The following ANO1 variants were observed in gnomAD, a reference collection of about 807,000 sequenced individuals.
ANO1 encodes the protein anoctamin-1.
In ANO1, 59 loss-of-function variants were observed where a neutral mutation model predicts 124.0. The observed-to-expected ratio is 0.48, with a 90% confidence interval of 0.39 to 0.59. The LOEUF is 0.59. ANO1 is among the 20% of genes least tolerant of loss of function. ANO1 has a pLI of 0.00. For missense variants in ANO1, 1,059 were observed against 1,328.0 expected (o/e 0.80, Z 3.15); for synonymous variants, 529 against 532.0 (o/e 0.99, Z 0.08).
intron 7 of ANO1, 26 bp downstream of exon 7, chr11:70,111,788 T>A (rs777647460): frequency 6.2e-7 from 1 of 1,613,038 alleles, no homozygotes; most frequent in Admixed American, 1.7e-5. Flanking sequence ...ACACGATTTA[T>A]CTCTGCGTCA....
intron 1 of ANO1, among the ~76,000 whole-genome samples, chr11:70,010,604 G>T (rs1856584791): frequency 6.6e-6 from 1 of 152,110 alleles, no homozygotes; most frequent in African/African-American, 2.4e-5. Context: ...ACAGGAAGCT[G>T]CACAAAGACA....
rs894858514 is a variant in ANO1 at position 70,019,942 on chromosome 11, C to T, written c.58+33776C>T. Among the ~76,000 whole-genome samples, 4 of 152,348 alleles carry T rather than the reference C, an allele frequency of 2.6e-5. No homozygotes were observed. The East Asian group carries it at 5.8e-4, about 22-fold the overall frequency. On this transcript the variant is annotated intron_variant, in intron 1 of 27. Transcript: ENST00000531349. ...TGAGGCCTCGGAGTGGGAAGGGGGC[C>T]GAGGGCCCCTGGCTCTGGGTCTCTC...
intron 20 of ANO1, 59 bp downstream of exon 20, chr11:70,165,629 G>T: frequency 6.9e-7 from 1 of 1,443,388 alleles, no homozygotes; most frequent in South Asian, 1.3e-5. Flanking sequence ...GGGGTGTGTG[G>T]GTGGCTCCTG....
chr11:69,966,596 G>A, the ANO1 span, among the ~76,000 whole-genome samples: 2 of 152,190 alleles, frequency 1.3e-5, no homozygotes, highest in Non-Finnish European at 2.9e-5. Flanking sequence ...AGGAAAGAGC[G>A]ATGGAAGAGC....
At chr11:69,981,606 G>GC (rs1264843939), upstream of ANO1, among the ~76,000 whole-genome samples, 2 of 152,208 alleles carry the variant, frequency 1.3e-5, no homozygotes, top group African/African-American at 4.8e-5. Flanking sequence ...GCTGCTGGGA[G>GC]CCCCTGGTAT....
At chr11:70,145,744 C>T (rs185887987) in intron 11 of ANO1, among the ~76,000 whole-genome samples, 35 of 152,174 alleles carry the variant, frequency 2.3e-4, no homozygotes, top group African/African-American at 7.9e-4. Context: ...CAAGACCAGC[C>T]TGGCCAATAC....
At position 70,036,740 on chromosome 11, in the gene ANO1, T is replaced by C. The variant is rs184400004; in HGVS notation, c.59-41802T>C. On this transcript the variant is annotated intron_variant, in intron 1 of 27. Coordinates refer to the ANO1 transcript ENST00000531349. ...CTCCTGCCTCAGCCTCCCAAGTAGC[T>C]GGGACTATAGGCACCCGCCACCACA... Among the ~76,000 whole-genome samples, 1,379 of 152,278 alleles carry C rather than the reference T, an allele frequency of 9.1e-3. 29 individuals carry two copies. The highest frequency in any genetic ancestry group is 0.03 in the African/African-American group (1,258 of 41,544).
chr11:70,076,956 C>CTCTGAGGCCCAGGAGGT (rs2044067481), upstream of ANO1, among the ~76,000 whole-genome samples: 1 of 152,144 alleles, frequency 6.6e-6, no homozygotes, highest in Non-Finnish European at 1.5e-5. Flanking sequence ...AAGGCAGAGG[C>CTCTGAGGCCCAGGAGGT]TCTGAGGCCC....
the ANO1 span, among the ~76,000 whole-genome samples, chr11:69,966,369 C>T: frequency 6.6e-6 from 1 of 152,198 alleles, no homozygotes; most frequent in Non-Finnish European, 1.5e-5. Flanking sequence ...AATGATTAAC[C>T]CACACCTGCC....
At chr11:69,984,284 C>T (rs534311153), upstream of ANO1, among the ~76,000 whole-genome samples, 5 of 152,324 alleles carry the variant, frequency 3.3e-5, no homozygotes, top group South Asian at 1.0e-3. Flanking sequence ...GGGCACACGT[C>T]CCGGGGCTTC....
At chr11:70,084,412 C>T (rs187547638) in intron 1 of ANO1, among the ~76,000 whole-genome samples, 1 of 152,278 alleles carries the variant, frequency 6.6e-6, no homozygotes, top group Non-Finnish European at 1.5e-5. Context: ...CTCCCAGGTG[C>T]CTGGCCCCAG....
At chr11:70,032,766 A>T (rs1444649943) in intron 1 of ANO1, among the ~76,000 whole-genome samples, 1 of 152,106 alleles carries the variant, frequency 6.6e-6, no homozygotes, top group African/African-American at 2.4e-5. Flanking sequence ...TTTGTCTTCA[A>T]ATTGGGAAGA....
At chr11:70,065,582 C>G (rs1857696427) in intron 1 of ANO1, among the ~76,000 whole-genome samples, 1 of 151,502 alleles carries the variant, frequency 6.6e-6, no homozygotes, top group Non-Finnish European at 1.5e-5. Flanking sequence ...CCCCCGTCGT[C>G]CCTCTAGTTG....
chr11:70,165,591 T>G, intron 20 of ANO1, 21 bp downstream of exon 20: 1 of 1,599,346 alleles, frequency 6.3e-7, no homozygotes, highest in Non-Finnish European at 8.5e-7. Context: ...TGCAGCGGGT[T>G]AGAGCGGCAG....
At chr11:70,131,305 G>A (rs2046747535) in intron 10 of ANO1, among the ~76,000 whole-genome samples, 1 of 32,750 alleles carries the variant, frequency 3.1e-5, no homozygotes, top group Non-Finnish European at 8.6e-5. Flanking sequence ...AAAAATCAAT[G>A]TGTGTGTGTG....
intron 2 of ANO1, among the ~76,000 whole-genome samples, chr11:70,098,438 C>G (rs2045108116): frequency 6.6e-6 from 1 of 152,226 alleles, no homozygotes; most frequent in Admixed American, 6.5e-5. Context: ...CCCCATGGTT[C>G]CTGCCTGACA....
intron 1 of ANO1, among the ~76,000 whole-genome samples, chr11:70,050,667 A>G (rs1857338473): frequency 6.6e-6 from 1 of 152,158 alleles, no homozygotes; most frequent in African/African-American, 2.4e-5. Flanking sequence ...CCCTGAAGGC[A>G]CCTCACAAAT....
chr11:70,034,384 C>G (rs567300288), intron 1 of ANO1, among the ~76,000 whole-genome samples: 1 of 152,196 alleles, frequency 6.6e-6, no homozygotes, highest in South Asian at 2.1e-4. Context: ...CCCTGGGCAC[C>G]TTGAGGCATC....
intron 1 of ANO1, among the ~76,000 whole-genome samples, chr11:70,021,789 T>C (rs1856814975): frequency 6.6e-6 from 1 of 152,154 alleles, no homozygotes; most frequent in African/African-American, 2.4e-5. Flanking sequence ...AACTCATCCC[T>C]CTGTGTCCAC....
Sources: allele counts gnomAD v4.1 joint callset (sites outside exome capture counted in the v4.1 genomes callset), GRCh38; gene constraint gnomAD v4.1.1; transcripts MANE v1.5; gene names NCBI Gene and HGNC (gene_info 2026-07-23, HGNC 2026-07-21).